Variants in MYT1L observed in about 807,000 individuals in gnomAD.
MYT1L encodes myelin transcription factor 1-like protein.
MYT1L carries 12 observed loss-of-function variants against 126.7 expected under a neutral mutation model. The ratio of observed to expected loss-of-function variants is 0.09; its 90% CI spans 0.06 to 0.15. MYT1L has a LOEUF of 0.15. Among genes scored for constraint, MYT1L ranks in the 10% least tolerant of loss-of-function variants. MYT1L has a pLI of 1.00. For synonymous variants in MYT1L, 541 were observed against 604.2 expected, an observed-to-expected ratio of 0.90 and a Z score of 1.53; for missense variants, 979 against 1,585.2, an observed-to-expected ratio of 0.62 and a Z score of 6.49.
intron 2 of MYT1L, among the ~76,000 whole-genome samples, chr2:2,216,397 A>G (rs990791750): frequency 6.6e-6 from 1 of 150,698 alleles, no homozygotes; most frequent in Admixed American, 6.6e-5. Context: ...ATTAAATAAC[A>G]CATTTCTAAA....
chr2:2,319,990 T>G (rs1455130518), intron 1 of MYT1L, among the ~76,000 whole-genome samples: 1 of 152,158 alleles, frequency 6.6e-6, no homozygotes, highest in Non-Finnish European at 1.5e-5. Flanking sequence ...ATATTTTCTT[T>G]CTAGAAGAGG....
At chr2:2,203,172 A>G (rs1221873493) in intron 2 of MYT1L, among the ~76,000 whole-genome samples, 1 of 147,184 alleles carries the variant, frequency 6.8e-6, no homozygotes, top group African/African-American at 2.6e-5. Flanking sequence ...TATCAACTGA[A>G]TGGGCAAAAA....
chr2:1,930,838 C>T (rs2054866933), intron 9 of MYT1L, among the ~76,000 whole-genome samples: 1 of 152,116 alleles, frequency 6.6e-6, no homozygotes. Context: ...ACGCGTGTTG[C>T]AGGGGTTTGC....
At chr2:1,873,229 T>C (rs2046471985) in intron 18 of MYT1L, among the ~76,000 whole-genome samples, 1 of 152,234 alleles carries the variant, frequency 6.6e-6, no homozygotes, top group African/African-American at 2.4e-5. Context: ...TATTTTAAAA[T>C]ATATACATTT....
intron 3 of MYT1L, among the ~76,000 whole-genome samples, chr2:2,119,640 GT>G (rs1335542530): frequency 6.6e-6 from 1 of 152,178 alleles, no homozygotes; most frequent in Non-Finnish European, 1.5e-5. Flanking sequence ...CTCAGCCCAG[GT>G]TTAACCTCAG....
intron 22 of MYT1L, among the ~76,000 whole-genome samples, chr2:1,804,022 G>A (rs1558602835): frequency 6.6e-6 from 1 of 152,216 alleles, no homozygotes; most frequent in Admixed American, 6.5e-5. Context: ...CTGCAGCAGG[G>A]CAGTGACTGG....
intron 21 of MYT1L, among the ~76,000 whole-genome samples, chr2:1,824,010 G>T (rs749023242): frequency 3.9e-5 from 6 of 152,150 alleles, no homozygotes; most frequent in Non-Finnish European, 8.8e-5. Context: ...CCCCCCCAGC[G>T]GGGCCGCCGG....
rs528596895 is a variant in MYT1L, at chr2:2,185,366, T to C, written c.-420-12378A>G. 7.3e-4 allele frequency among the ~76,000 whole-genome samples: 111 copies of C among 152,368 alleles called. 1 individual carries two copies. Among genetic ancestry groups the C allele is most frequent in the Admixed American group, 5.0e-3 (77 of 15,304 alleles). ...GTATTTTAATAGCTCTGTTCAAATA[T>C]GAGTAACTCACCACAAATTGTGTGG... On this transcript the variant is annotated intron_variant, in intron 2 of 24. Transcript: ENST00000647738.
At chr2:1,967,760 C>A (rs1383225121) in intron 8 of MYT1L, among the ~76,000 whole-genome samples, 1 of 152,098 alleles carries the variant, frequency 6.6e-6, no homozygotes, top group Non-Finnish European at 1.5e-5. Flanking sequence ...TGTTTTGCTG[C>A]GCAGGCGAGA....
At chr2:2,315,617 G>A (rs1276112329) in intron 1 of MYT1L, among the ~76,000 whole-genome samples, 8 of 152,096 alleles carry the variant, frequency 5.3e-5, no homozygotes, top group Admixed American at 5.2e-4. Context: ...CTTCCTGATA[G>A]TCTGTTTTTA....
intron 3 of MYT1L, among the ~76,000 whole-genome samples, chr2:2,109,374 T>C (rs79129104): frequency 0.043 from 6,573 of 152,204 alleles, 217 homozygotes; most frequent in Non-Finnish European, 0.066. Context: ...ATCCAGAGCT[T>C]CTGTTAGAGA....
At chr2:2,302,442 C>G (rs1208203909) in intron 1 of MYT1L, among the ~76,000 whole-genome samples, 2 of 152,168 alleles carry the variant, frequency 1.3e-5, no homozygotes, top group African/African-American at 2.4e-5. Context: ...AAATGTGGGG[C>G]CACTTTTCCT....
chr2:1,944,022 G>A (rs948676425), intron 8 of MYT1L, among the ~76,000 whole-genome samples: 13 of 152,134 alleles, frequency 8.5e-5, no homozygotes, highest in African/African-American at 2.7e-4. Flanking sequence ...ACTAAATCAC[G>A]CTGAAATTGG....
intron 2 of MYT1L, among the ~76,000 whole-genome samples, chr2:2,215,186 G>A (rs771163823): frequency 7.9e-5 from 12 of 151,904 alleles, no homozygotes; most frequent in Non-Finnish European, 1.6e-4. Flanking sequence ...ATAGAAAGAT[G>A]GTCGACTTAG....
intron 18 of MYT1L, among the ~76,000 whole-genome samples, chr2:1,868,569 C>A (rs1019698207): frequency 6.6e-6 from 1 of 152,174 alleles, no homozygotes. Flanking sequence ...GCCCCCTCTC[C>A]CCGGCCCCGA....
chr2:2,012,911 T>C (rs1307889307), intron 4 of MYT1L, among the ~76,000 whole-genome samples: 1 of 152,184 alleles, frequency 6.6e-6, no homozygotes, highest in African/African-American at 2.4e-5. Flanking sequence ...CATCGCTCCA[T>C]GTCATTAGTT....
intron 4 of MYT1L, among the ~76,000 whole-genome samples, chr2:2,000,582 C>T (rs561926212): frequency 7.0e-4 from 106 of 152,214 alleles, no homozygotes; most frequent in African/African-American, 2.3e-3. Flanking sequence ...ATGCCTGCCC[C>T]GCTCCTCTGC....
chr2:2,231,650 G>T (rs1469186116), intron 2 of MYT1L, among the ~76,000 whole-genome samples: 5 of 152,030 alleles, frequency 3.3e-5, no homozygotes, highest in Non-Finnish European at 7.4e-5. Flanking sequence ...GTCTTGCCAT[G>T]TTGCTCAGGC....
At chr2:2,018,366 G>A (rs1238826109) in intron 4 of MYT1L, among the ~76,000 whole-genome samples, 2 of 152,240 alleles carry the variant, frequency 1.3e-5, no homozygotes, top group South Asian at 4.2e-4. Context: ...CCATCCCACT[G>A]GATGGTGGCC....
Sources: gnomAD v4.1 joint callset for allele counts (sites outside exome capture counted in the v4.1 genomes callset) on GRCh38, gnomAD v4.1.1 for gene constraint, MANE v1.5 for transcripts, NCBI Gene and HGNC (gene_info 2026-07-23, HGNC 2026-07-21) for gene names.